Variants in ROR1 observed in about 807,000 individuals in gnomAD.
The protein encoded by ROR1 is ROR family WNT receptor 1.
In ROR1, 19 loss-of-function variants were observed where a neutral mutation model predicts 78.8. The observed-to-expected ratio is 0.24, with a 90% CI of 0.17 to 0.35. The LOEUF (loss-of-function observed/expected upper bound fraction) is 0.35, where lower values mean the gene tolerates loss of function less well. Among genes scored for constraint, ROR1 ranks in the 10% least tolerant of loss-of-function variants. ROR1 has a pLI of 1.00. For synonymous variants in ROR1, 386 were observed against 433.6 expected (o/e 0.89, Z 1.36); for missense variants, 917 against 1,177.8 (o/e 0.78, Z 3.24).
At chr1:64,145,392 T>A (rs12042472) in intron 7 of ROR1, among the ~76,000 whole-genome samples, 25,894 of 152,214 alleles carry the variant, frequency 0.17, 3,109 homozygotes, top group East Asian at 0.51. Context: ...AGACCCTTAT[T>A]CTATAATTTT....
At chr1:64,090,059 C>T (rs564697180) in intron 4 of ROR1, among the ~76,000 whole-genome samples, 1 of 152,162 alleles carries the variant, frequency 6.6e-6, no homozygotes, top group Non-Finnish European at 1.5e-5. Flanking sequence ...TGAGACCTCC[C>T]TAGCCACTTG....
intron 2 of ROR1, chr1:64,029,129 T>C (rs1027576687): frequency 2.6e-5 from 4 of 152,134 alleles, no homozygotes; most frequent in African/African-American, 9.7e-5. Flanking sequence ...TTTGTTAACA[T>C]TTATAGAGTA....
intron 7 of ROR1, among the ~76,000 whole-genome samples, chr1:64,147,946 C>G (rs1306811801): frequency 6.6e-6 from 1 of 152,080 alleles, no homozygotes; most frequent in African/African-American, 2.4e-5. Context: ...GTGTAGAGGT[C>G]AGGGATGTTG....
chr1:63,964,251 G>A (rs1468281715), intron 1 of ROR1, among the ~76,000 whole-genome samples: 3 of 152,198 alleles, frequency 2.0e-5, no homozygotes, highest in Non-Finnish European at 4.4e-5. Context: ...CAGGCACACA[G>A]CAAATGCTTA....
intron 4 of ROR1, among the ~76,000 whole-genome samples, chr1:64,098,542 G>A (rs917291498): frequency 1.3e-5 from 2 of 152,154 alleles, no homozygotes; most frequent in African/African-American, 4.8e-5. Flanking sequence ...GTGCAGCCCA[G>A]AACTTAAAGC....
intron 7 of ROR1, among the ~76,000 whole-genome samples, chr1:64,157,007 A>T (rs531327380): frequency 6.6e-6 from 1 of 152,356 alleles, no homozygotes; most frequent in East Asian, 1.9e-4. Flanking sequence ...AAAAATTAGG[A>T]TAAGGATGTC....
At chr1:64,099,613 T>C (rs938801504) in intron 4 of ROR1, among the ~76,000 whole-genome samples, 34 of 151,204 alleles carry the variant, frequency 2.2e-4, no homozygotes, top group African/African-American at 7.7e-4. Flanking sequence ...AATAAATTAG[T>C]TGCCTGACCT....
chr1:64,009,249 A>G lies in ROR1; in HGVS notation c.92-56A>G, dbSNP rs12091083. 6.0e-3 allele frequency: 7,912 copies of G among 1,308,252 alleles called. 419 individuals are homozygous for G. In the African/African-American group the frequency reaches 0.1, roughly 17 times the overall value. The allele number at this position is 1,308,252 out of a possible 1,614,324, so 81.0% of individuals were successfully genotyped here. On this transcript the variant is annotated intron_variant, in intron 1 of 8. Coordinates refer to ENST00000371079, the MANE Select transcript of ROR1 (RefSeq NM_005012.4). Reference sequence around the variant, plus strand: ...CTCTAATGCTTCTAACAGCCTATAAATTACTATATTTAATATTGCCCTTGT... The same window carrying G: ...CTCTAATGCTTCTAACAGCCTATAAGTTACTATATTTAATATTGCCCTTGT...
intron 1 of ROR1, 122 bp from the exon 2 acceptor site, chr1:64,009,183 T>C (rs1314713325): frequency 1.4e-6 from 1 of 736,060 alleles, no homozygotes; most frequent in Non-Finnish European, 2.4e-6. Flanking sequence ...GCTATGGGAT[T>C]GCCGTGGTCT....
At chr1:63,821,453 C>T (rs893327805) in intron 1 of ROR1, among the ~76,000 whole-genome samples, 2 of 152,202 alleles carry the variant, frequency 1.3e-5, no homozygotes, top group Non-Finnish European at 2.9e-5. Context: ...TTCACTGCTG[C>T]ATTTGGAAGA....
chr1:64,068,433 A>C (rs1646975712), intron 4 of ROR1, among the ~76,000 whole-genome samples: 1 of 152,210 alleles, frequency 6.6e-6, no homozygotes, highest in South Asian at 2.1e-4. Flanking sequence ...TTGTAAAACT[A>C]TTCTACAGTC....
chr1:63,997,752 C>T (rs1646349803), intron 1 of ROR1, among the ~76,000 whole-genome samples: 1 of 151,916 alleles, frequency 6.6e-6, no homozygotes, highest in Non-Finnish European at 1.5e-5. Context: ...TTAACATGCT[C>T]CCCAGCTGAG....
intron 1 of ROR1, among the ~76,000 whole-genome samples, chr1:63,901,701 T>G (rs1321842748): frequency 2.0e-5 from 3 of 152,122 alleles, no homozygotes; most frequent in South Asian, 2.1e-4. Flanking sequence ...ATTAGCCCTT[T>G]TAATTATATC....
chr1:64,000,252 A>G (rs772726504), intron 1 of ROR1, among the ~76,000 whole-genome samples: 2 of 152,176 alleles, frequency 1.3e-5, no homozygotes, highest in South Asian at 4.1e-4. Flanking sequence ...GAAACCCGAG[A>G]TGTCCACAGC....
At chr1:64,108,935 C>T (rs560154380) in intron 4 of ROR1, among the ~76,000 whole-genome samples, 2 of 152,212 alleles carry the variant, frequency 1.3e-5, no homozygotes, top group South Asian at 2.1e-4. Flanking sequence ...TCCAAATCTC[C>T]AGAAAACCCA....
intron 8 of ROR1, among the ~76,000 whole-genome samples, chr1:64,171,712 T>G (rs1650247700): frequency 6.6e-6 from 1 of 152,212 alleles, no homozygotes. Flanking sequence ...AAAGCCCCGT[T>G]TCTGTCCCAG....
chr1:63,964,093 A>G (rs536292881), intron 1 of ROR1, among the ~76,000 whole-genome samples: 7 of 152,340 alleles, frequency 4.6e-5, no homozygotes, highest in African/African-American at 1.7e-4. Context: ...TGACTTTAAC[A>G]GCTACTCTGT....
At chr1:63,838,335 T>C (rs1398668092) in intron 1 of ROR1, among the ~76,000 whole-genome samples, 1 of 151,898 alleles carries the variant, frequency 6.6e-6, no homozygotes, top group African/African-American at 2.4e-5. Context: ...GAAGAAGGCA[T>C]TGTTATCATA....
intron 2 of ROR1, among the ~76,000 whole-genome samples, chr1:64,023,932 T>C (rs1419831133): frequency 6.6e-6 from 1 of 152,040 alleles, no homozygotes; most frequent in African/African-American, 2.4e-5. Flanking sequence ...ATGGGCGCGG[T>C]TTTCCCCATG....
Sources: allele counts gnomAD v4.1 joint callset (sites outside exome capture counted in the v4.1 genomes callset), GRCh38; gene constraint gnomAD v4.1.1; transcripts MANE v1.5; gene names NCBI Gene and HGNC (gene_info 2026-07-23, HGNC 2026-07-21).